ACBD6: variants seen among roughly 807,000 people sequenced by gnomAD.
ACBD6 encodes the protein acyl-CoA binding domain containing 6, also known as acyl-CoA-binding domain-containing protein 6.
Under a neutral mutation model 37.2 loss-of-function variants are expected in ACBD6, and 28 were observed. That is an observed-to-expected ratio of 0.75 (90% CI 0.56 to 1.03). The LOEUF is 1.03. Among genes scored for constraint, ACBD6 ranks in the 50% least tolerant of loss-of-function variants. The pLI, the probability that ACBD6 is intolerant of heterozygous loss-of-function variation, is 0.00. For missense variants in ACBD6, 340 were observed against 337.4 expected, an observed-to-expected ratio of 1.01 and a Z score of -0.06; for synonymous variants, 113 against 126.8, an observed-to-expected ratio of 0.89 and a Z score of 0.73.
At chr1:180,462,875 A>G (rs1320621263) in intron 3 of ACBD6, among the ~76,000 whole-genome samples, 1 of 152,216 alleles carries the variant, frequency 6.6e-6, no homozygotes, top group Admixed American at 6.5e-5. Context: ...CATAGCAAAC[A>G]GTCTCTCGGA....
chr1:180,430,162 G>A lies in ACBD6; in HGVS notation c.467+18C>T, dbSNP rs1216815274. ...AGGCATATATATTTCTATTATCAAA[G>A]ATCAGAAGAGAAATTACCTGATGGT... On this transcript the variant is annotated intron_variant, in intron 4 of 7. Coordinates refer to ENST00000367595, the MANE Select transcript of ACBD6 (RefSeq NM_032360.4). 8 of 1,598,358 alleles carry A rather than the reference G, an allele frequency of 5.0e-6. No individual in the cohort carries two copies. The highest frequency in any genetic ancestry group is 6.9e-6 in the Non-Finnish European group (8 of 1,166,718).
exon 10 of ACBD6, chr1:180,275,243 C>T (rs1337186559): frequency 6.6e-6 from 1 of 152,174 alleles, no homozygotes; most frequent in Non-Finnish European, 1.5e-5. Flanking sequence ...ATATCATTGA[C>T]TCTGATGGCA....
At chr1:180,438,873 G>C (rs1451036910) in intron 3 of ACBD6, among the ~76,000 whole-genome samples, 2 of 152,064 alleles carry the variant, frequency 1.3e-5, no homozygotes, top group African/African-American at 4.8e-5. Context: ...ATTCAGAATA[G>C]TTTCACTGCC....
chr1:180,382,902 T>A (rs1204767591), intron 6 of ACBD6, among the ~76,000 whole-genome samples: 1 of 152,064 alleles, frequency 6.6e-6, no homozygotes, highest in Non-Finnish European at 1.5e-5. Context: ...ATACACAAAT[T>A]AATAAATGTG....
intron 4 of ACBD6, among the ~76,000 whole-genome samples, chr1:180,428,688 A>G (rs911824561): frequency 6.6e-6 from 1 of 152,238 alleles, no homozygotes. Context: ...GAAAAATACT[A>G]GAGTATGGGA....
intron 6 of ACBD6, among the ~76,000 whole-genome samples, chr1:180,394,737 G>A (rs1013762834): frequency 6.6e-6 from 1 of 152,012 alleles, no homozygotes; most frequent in African/African-American, 2.4e-5. Context: ...AACATTACTG[G>A]AACTGGCTAG....
chr1:180,288,243 G>A lies in ACBD6; in HGVS notation c.*120C>T. 2 of 1,405,836 alleles carry A rather than the reference G, an allele frequency of 1.4e-6. No homozygotes were observed. The highest frequency in any genetic ancestry group is 1.2e-5 in the South Asian group (1 of 81,124). 87.1% of individuals were successfully genotyped at this position (1,405,836 alleles called of 1,614,324 possible). On this transcript the variant is annotated 3_prime_UTR_variant, in exon 8 of 8. Transcript: ENST00000367595. ...GAGACTTCAAAATCCCAGTTCCACA[G>A]AACTGATTTTATTAGCCAATACATA... is the stretch of plus-strand genomic sequence containing the variant.
chr1:180,491,188 AAATTATGT>A (rs1651489734), intron 3 of ACBD6, among the ~76,000 whole-genome samples: 2 of 152,158 alleles, frequency 1.3e-5, no homozygotes, highest in Admixed American at 1.3e-4. Flanking sequence ...TGTACACATG[AAATTATGT>A]AATTATTACA....
rs1295808641 is a variant in ACBD6 at position 180,335,752 on chromosome 1, G to A, written c.664-21030C>T. Among the ~76,000 whole-genome samples, 2 of 145,966 alleles carry A rather than the reference G, an allele frequency of 1.4e-5. 1 individual carries two copies. The highest frequency in any genetic ancestry group is 3.1e-5 in the Non-Finnish European group (2 of 64,736). ...AAGAGTCAAGACCCATCAGTGTGCT[G>A]TATTCAGGAAACCCATCTCACATGC... On this transcript the variant is annotated intron_variant, in intron 6 of 7. Coordinates refer to ENST00000367595, the MANE Select transcript of ACBD6 (RefSeq NM_032360.4).
At chr1:180,322,321 T>C (rs1651105471) in intron 6 of ACBD6, among the ~76,000 whole-genome samples, 1 of 152,098 alleles carries the variant, frequency 6.6e-6, no homozygotes, top group Non-Finnish European at 1.5e-5. Flanking sequence ...CCTGTAGTTT[T>C]CTTTTTTTGA....
intron 6 of ACBD6, among the ~76,000 whole-genome samples, chr1:180,374,582 C>CTTTCG (rs2101919024): frequency 6.6e-6 from 1 of 151,644 alleles, no homozygotes; most frequent in East Asian, 2.0e-4. Context: ...TGTTTTCACA[C>CTTTCG]CTGACCTGCC....
intron 7 of ACBD6, among the ~76,000 whole-genome samples, chr1:180,296,375 G>T (rs974520681): frequency 6.6e-6 from 1 of 152,222 alleles, no homozygotes; most frequent in Non-Finnish European, 1.5e-5. Context: ...TTATCCAGAA[G>T]ATCTAACTAA....
chr1:180,374,183 G>A (rs1260900066), intron 6 of ACBD6, among the ~76,000 whole-genome samples: 1 of 152,168 alleles, frequency 6.6e-6, no homozygotes, highest in Non-Finnish European at 1.5e-5. Flanking sequence ...ATGCATGAAA[G>A]TGATTCCCAT....
At chr1:180,443,875 G>A (rs111305004) in intron 3 of ACBD6, among the ~76,000 whole-genome samples, 6,473 of 150,650 alleles carry the variant, frequency 0.043, 447 homozygotes, top group African/African-American at 0.14. Flanking sequence ...TGCCTGCCTT[G>A]GCCTCCCAAA....
At chr1:180,493,628 A>C (rs1196044073) in intron 2 of ACBD6, among the ~76,000 whole-genome samples, 1 of 152,202 alleles carries the variant, frequency 6.6e-6, no homozygotes, top group Non-Finnish European at 1.5e-5. Flanking sequence ...TTCATCCCTA[A>C]ATAGATCAGC....
chr1:180,407,015 G>T (rs1275983381), intron 5 of ACBD6, among the ~76,000 whole-genome samples: 2 of 152,288 alleles, frequency 1.3e-5, no homozygotes, highest in Admixed American at 6.5e-5. Context: ...ATTTGCTAGA[G>T]CTTTAAATGT....
chr1:180,453,247 C>A (rs1649785370), intron 3 of ACBD6, among the ~76,000 whole-genome samples: 1 of 152,238 alleles, frequency 6.6e-6, no homozygotes, highest in African/African-American at 2.4e-5. Context: ...CTCTGGGATG[C>A]AAGGCTGGTT....
At chr1:180,389,035 G>A (rs1289949539) in intron 6 of ACBD6, among the ~76,000 whole-genome samples, 1 of 152,076 alleles carries the variant, frequency 6.6e-6, no homozygotes, top group Non-Finnish European at 1.5e-5. Flanking sequence ...TTAAGTTTTA[G>A]GGTACATGTG....
chr1:180,273,990 CTTG>C, exon 11 of ACBD6: 1 of 626,568 alleles, frequency 1.6e-6, no homozygotes. Context: ...GCAGGTGTTT[CTTG>C]TTTTTCTCCT....
Sources: allele counts gnomAD v4.1 joint callset (sites outside exome capture counted in the v4.1 genomes callset), GRCh38; gene constraint gnomAD v4.1.1; transcripts MANE v1.5; gene names NCBI Gene and HGNC (gene_info 2026-07-23, HGNC 2026-07-21).